NT5E: variants seen among roughly 807,000 people sequenced by gnomAD.
NT5E encodes 5'-nucleotidase ecto, also known as 5'-nucleotidase.
In NT5E, 53 loss-of-function variants were observed where a neutral mutation model predicts 55.1. The observed-to-expected ratio is 0.96, with a 90% CI of 0.77 to 1.21. The LOEUF is 1.21. NT5E is among the 50% of genes most tolerant of loss of function. The pLI is 0.00. For missense variants in NT5E, 683 were observed against 724.3 expected (o/e 0.94, Z 0.65); for synonymous variants, 270 against 278.4 (o/e 0.97, Z 0.30).
chr6:85,466,589 G>A (rs1356987973), intron 1 of NT5E, among the ~76,000 whole-genome samples: 2 of 152,198 alleles, frequency 1.3e-5, no homozygotes, highest in African/African-American at 4.8e-5. Flanking sequence ...GATGACCTAG[G>A]AGGTGAAATG....
intron 2 of NT5E, among the ~76,000 whole-genome samples, chr6:85,468,823 C>T (rs1769246956): frequency 6.6e-6 from 1 of 152,172 alleles, no homozygotes; most frequent in South Asian, 2.1e-4. Context: ...AGAAATCAAA[C>T]TGCCCCAGCT....
At chr6:85,475,996 T>C (rs1170049290) in intron 3 of NT5E, among the ~76,000 whole-genome samples, 1 of 152,160 alleles carries the variant, frequency 6.6e-6, no homozygotes, top group Admixed American at 6.5e-5. Flanking sequence ...TTCCTCTAAC[T>C]CCTTTGAGGC....
Position 85,491,957 on chromosome 6 carries a change from C to G in NT5E, c.1361-20C>G, listed in dbSNP as rs370675879. 3 of 1,609,816 alleles carry G rather than the reference C, an allele frequency of 1.9e-6. No individual in the cohort carries two copies. Among genetic ancestry groups the G allele is most frequent in the Non-Finnish European group, 2.6e-6 (3 of 1,176,112 alleles). On this transcript the variant is annotated intron_variant, in intron 7 of 8. Transcript: ENST00000257770. ...AATCTCCCTTTGGATCTGGTGAAAACAGATTCATTTCTTTTCTAGGAATCC... is the reference window on the plus strand; with the variant it reads ...AATCTCCCTTTGGATCTGGTGAAAAGAGATTCATTTCTTTTCTAGGAATCC...
chr6:85,455,058 A>G (rs968166316), intron 1 of NT5E, among the ~76,000 whole-genome samples: 3 of 152,188 alleles, frequency 2.0e-5, no homozygotes, highest in Non-Finnish European at 4.4e-5. Flanking sequence ...TGTAAACTCT[A>G]AAGGCCACCT....
At chr6:85,454,091 C>G (rs2127753652) in intron 1 of NT5E, among the ~76,000 whole-genome samples, 1 of 152,296 alleles carries the variant, frequency 6.6e-6, no homozygotes, top group African/African-American at 2.4e-5. Context: ...TTACCCATCT[C>G]CACGTATTTT....
At chr6:85,482,975 C>A (rs141672179) in intron 3 of NT5E, among the ~76,000 whole-genome samples, 9 of 152,316 alleles carry the variant, frequency 5.9e-5, no homozygotes, top group African/African-American at 2.2e-4. Flanking sequence ...CCTGATTAAG[C>A]TCATTTAATA....
intron 1 of NT5E, among the ~76,000 whole-genome samples, chr6:85,451,748 T>C (rs1321369570): frequency 6.6e-6 from 1 of 152,118 alleles, no homozygotes; most frequent in Non-Finnish European, 1.5e-5. Flanking sequence ...GAGAAGAGCT[T>C]AGAGGTCAGG....
At chr6:85,485,455 T>C (rs1473543469) in intron 4 of NT5E, 23 bp downstream of exon 4, 16 of 1,610,404 alleles carry the variant, frequency 9.9e-6, no homozygotes, top group Non-Finnish European at 1.4e-5. Context: ...CAGGGGAATG[T>C]TCCACCAATC....
intron 1 of NT5E, among the ~76,000 whole-genome samples, chr6:85,459,068 G>A (rs1283813861): frequency 6.6e-6 from 1 of 152,136 alleles, no homozygotes; most frequent in Non-Finnish European, 1.5e-5. Flanking sequence ...AATCCTCCCT[G>A]GATGATGTTG....
At chr6:85,477,172 C>T (rs1236097550) in intron 3 of NT5E, among the ~76,000 whole-genome samples, 2 of 152,158 alleles carry the variant, frequency 1.3e-5, no homozygotes, top group African/African-American at 2.4e-5. Flanking sequence ...CTCTTTCCCT[C>T]CCAGTCCAGC....
At chr6:85,466,598 T>A (rs1270506355) in intron 1 of NT5E, among the ~76,000 whole-genome samples, 2 of 152,038 alleles carry the variant, frequency 1.3e-5, no homozygotes, top group Non-Finnish European at 2.9e-5. Context: ...GGAGGTGAAA[T>A]GAGGAAGGAG....
At chr6:85,455,961 G>GGGC (rs1198120599) in intron 1 of NT5E, among the ~76,000 whole-genome samples, 1 of 152,072 alleles carries the variant, frequency 6.6e-6, no homozygotes, top group Non-Finnish European at 1.5e-5. Flanking sequence ...CTATGGCTGG[G>GGGC]GGCCCTTAGA....
intron 3 of NT5E, among the ~76,000 whole-genome samples, chr6:85,484,799 T>C (rs1249532698): frequency 1.3e-5 from 2 of 152,190 alleles, no homozygotes; most frequent in African/African-American, 2.4e-5. Context: ...AGATATTTAA[T>C]CCTCTCAGCT....
At chr6:85,453,494 C>A (rs9344527) in intron 1 of NT5E, among the ~76,000 whole-genome samples, 25,908 of 152,126 alleles carry the variant, frequency 0.17, 2,501 homozygotes, top group African/African-American at 0.26. Context: ...AGTACCATTG[C>A]CTAAACTATT....
chr6:85,487,325 T>C lies in NT5E; in HGVS notation c.950-10T>C. On this transcript the variant is annotated splice_polypyrimidine_tract_variant and intron_variant, in intron 4 of 8. Transcript: ENST00000257770. ...TTTAATTGTAGGGTACCTTCTTTTC[T>C]TTCTTCTAGATCCAAGCATAAAAGC... 6.2e-7 allele frequency: 1 copy of C among 1,611,898 alleles called. No individual in the cohort carries two copies. The highest frequency in any genetic ancestry group is 8.5e-7 in the Non-Finnish European group (1 of 1,178,008).
intron 2 of NT5E, among the ~76,000 whole-genome samples, chr6:85,467,520 T>C (rs1044303115): frequency 3.9e-5 from 6 of 152,228 alleles, no homozygotes; most frequent in Admixed American, 2.0e-4. Context: ...CTTTGTCTAA[T>C]TCAGTGCTTT....
chr6:85,493,944 T>G lies in NT5E; in HGVS notation c.1665T>G (p.His555Gln). Residue 555 changes from histidine (H) to glutamine (Q), a missense_variant, in exon 9 of 9, where the codon CAT becomes CAG. His to Gln is a conservative substitution (Grantham distance 24). Coordinates refer to ENST00000257770, the MANE Select transcript of NT5E (RefSeq NM_002526.4). The stretch of plus-strand genomic sequence containing the variant: ...AGTTTTCCACAGGAAGTCACTGCCA[T>G]GGAAGCTTTTCTTTAATATTTCTTT... The part of the protein sequence containing the change: ...RIKFSTGSHC[H>Q]GSFSLIFLSL... 6.2e-7 allele frequency: 1 copy of G among 1,614,128 alleles called. No individual in the cohort carries two copies. The highest frequency in any genetic ancestry group is 8.5e-7 in the Non-Finnish European group (1 of 1,179,974).
In NT5E at chr6:85,494,234, T is replaced by C. The variant is rs183777053; in HGVS notation, c.*230T>C. ...GGCCCTATAAGGAGAAAGCCAACTA[T>C]GTTAAGTTTACGTGTCCAAATTTTA... On this transcript the variant is annotated 3_prime_UTR_variant, in exon 9 of 9. Transcript: ENST00000257770. 5.1e-4 allele frequency: 276 copies of C among 537,094 alleles called. 2 individuals are homozygous for C. The highest frequency in any genetic ancestry group is 1.3e-4 in the Non-Finnish European group (41 of 304,708). The allele number at this position is 537,094 out of a possible 1,614,324, so 33.3% of individuals were successfully genotyped here.
chr6:85,461,696 C>T (rs956654427), intron 1 of NT5E, among the ~76,000 whole-genome samples: 3 of 152,150 alleles, frequency 2.0e-5, no homozygotes, highest in African/African-American at 4.8e-5. Context: ...TGAGATGACA[C>T]CCCAACTCCC....
Sources: allele counts gnomAD v4.1 joint callset (sites outside exome capture counted in the v4.1 genomes callset), GRCh38; gene constraint gnomAD v4.1.1; transcripts MANE v1.5; gene names NCBI Gene and HGNC (gene_info 2026-07-23, HGNC 2026-07-21).